Variants in NLRP14 observed in about 807,000 individuals in gnomAD.
NLRP14 encodes the protein NLR family pyrin domain containing 14.
NLRP14 carries 105 observed loss-of-function variants against 94.7 expected under a neutral mutation model. That is an observed-to-expected ratio of 1.11 (90% CI 0.95 to 1.30). The LOEUF (loss-of-function observed/expected upper bound fraction) is 1.30, where lower values mean the gene tolerates loss of function less well. NLRP14 is among the 50% of genes most tolerant of loss of function. NLRP14 has a pLI of 0.00. For synonymous variants in NLRP14, 508 were observed against 459.9 expected (o/e 1.10, Z -1.34); for missense variants, 1,362 against 1,254.1 (o/e 1.09, Z -1.30).
intron 9 of NLRP14, among the ~76,000 whole-genome samples, chr11:7,061,055 G>T (rs1242833350): frequency 1.3e-5 from 2 of 151,944 alleles, no homozygotes; most frequent in Admixed American, 6.6e-5. Context: ...AGTCATTAAT[G>T]GTCTAACCCC....
intron 3 of NLRP14, among the ~76,000 whole-genome samples, chr11:7,042,023 CTTTTT>C (rs1229427910): frequency 1.4e-5 from 2 of 138,182 alleles, no homozygotes; most frequent in African/African-American, 5.3e-5. Context: ...TGCCTCTGTT[CTTTTT>C]TTTTTTAATC....
chr11:7,089,680 G>A, the NLRP14 span: 14 of 1,493,118 alleles, frequency 9.4e-6, no homozygotes, highest in Admixed American at 4.3e-5. Context: ...GTGCGGGGGC[G>A]AGACGGCTAC....
chr11:7,049,819 T>G lies in NLRP14; in HGVS notation c.2272T>G (p.Cys758Gly). 6.2e-7 allele frequency: 1 copy of G among 1,612,676 alleles called. No homozygotes were observed. The change falls in exon 6 of 12, where the codon TGT becomes GGT. Residue 758 changes from cysteine to glycine, a missense_variant. Transcript: ENST00000299481. ...GTGTGAGGCCTTGAAACACCCAGAG[T>G]GTAAACTACAGACTCTCAGGTAAGC... ...SLCEALKHPE[C>G]KLQTLRLESC...
chr11:7,037,553 A>G (rs1212706538), intron 1 of NLRP14, among the ~76,000 whole-genome samples: 4 of 152,184 alleles, frequency 2.6e-5, no homozygotes, highest in Non-Finnish European at 1.5e-5. Context: ...ACCAAAACAG[A>G]TTAAGAAAAC....
chr11:7,081,506 T>A, the NLRP14 span, among the ~76,000 whole-genome samples: 1 of 152,210 alleles, frequency 6.6e-6, no homozygotes, highest in Non-Finnish European at 1.5e-5. Context: ...ATGCCATCTT[T>A]TTTTTTTAAT....
chr11:7,057,639 A>G, intron 6 of NLRP14, 38 bp from the exon 7 acceptor site: 4 of 1,586,172 alleles, frequency 2.5e-6, no homozygotes, highest in Non-Finnish European at 2.6e-6. Flanking sequence ...TTATTCTCTA[A>G]GGAGTGGTCA....
chr11:7,043,905 T>A lies in NLRP14; in HGVS notation c.1879T>A (p.Cys627Ser). 1 of 1,614,134 alleles carries A rather than the reference T, an allele frequency of 6.2e-7. No individual in the cohort carries two copies. Among genetic ancestry groups the A allele is most frequent in the Non-Finnish European group, 8.5e-7 (1 of 1,179,958 alleles). ...TTCTTTCTGCCTTAAGCACTGCCGG[T>A]GTTTGCGGACCATCAGGCTGTCTGT... ...VSSFCLKHCR[C>S]LRTIRLSVTV... Residue 627 changes from cysteine to serine, a missense_variant, in exon 4 of 12, where the codon TGT (cysteine) becomes AGT (serine). Coordinates refer to ENST00000299481, the MANE Select transcript of NLRP14 (RefSeq NM_176822.4).
rs370725482 is a variant in NLRP14 at position 7,049,772 on chromosome 11, G to C, written c.2225G>C (p.Gly742Ala). The C allele has an allele frequency of 6.2e-7, 1 of 1,610,430 alleles. No homozygotes were observed. The stretch of plus-strand genomic sequence containing the variant: ...CTTGACCTAAAAGGGAGTGATATAG[G>C]GGATAATGGAGTAAAGTCATTGTGT... The part of the protein sequence containing the change: ...MHLDLKGSDI[G>A]DNGVKSLCEA... Residue 742 changes from glycine (G) to alanine (A), a missense_variant, in exon 6 of 12, where the codon GGG becomes GCG. Gly to Ala is a moderately conservative substitution (Grantham distance 60). Transcript: ENST00000299481.
At chr11:7,047,829 G>A (rs1489762927) in intron 5 of NLRP14, among the ~76,000 whole-genome samples, 32 of 136,958 alleles carry the variant, frequency 2.3e-4, no homozygotes, top group Middle Eastern at 8.8e-3. Context: ...GCACAATCTC[G>A]GCTCACTGCA....
chr11:7,085,261 C>T, the NLRP14 span, among the ~76,000 whole-genome samples: 7 of 152,210 alleles, frequency 4.6e-5, no homozygotes, highest in Non-Finnish European at 1.0e-4. Flanking sequence ...AAAATACATA[C>T]AACATTGTGT....
chr11:7,058,892 T>G (rs1453192413), intron 8 of NLRP14, among the ~76,000 whole-genome samples: 3 of 151,952 alleles, frequency 2.0e-5, no homozygotes, highest in African/African-American at 7.2e-5. Flanking sequence ...TGTTAGATAA[T>G]TTTCTAAACA....
rs570127561 is a variant in NLRP14, at chr11:7,060,609, A to G, written c.2804+545A>G. Reference sequence around the variant, plus strand: ...CTCTACTAGTTTTTCTTTTAGATTTATATTTAAACTCAGGTTATAATTAAG... The same window carrying G: ...CTCTACTAGTTTTTCTTTTAGATTTGTATTTAAACTCAGGTTATAATTAAG... On this transcript the variant is annotated intron_variant, in intron 9 of 11. Coordinates refer to ENST00000299481, the MANE Select transcript of NLRP14 (RefSeq NM_176822.4). Among the ~76,000 whole-genome samples, 21 of 152,156 alleles carry G rather than the reference A, an allele frequency of 1.4e-4. No homozygotes were observed. The East Asian group carries it at 3.3e-3, about 24-fold the overall frequency.
intron 10 of NLRP14, among the ~76,000 whole-genome samples, chr11:7,066,424 C>T (rs2119708026): frequency 6.6e-6 from 1 of 152,190 alleles, no homozygotes; most frequent in East Asian, 1.9e-4. Context: ...GATGGTATCT[C>T]ACTGTGGTTT....
At chr11:7,064,940 T>C (rs1054417613) in intron 10 of NLRP14, among the ~76,000 whole-genome samples, 2 of 152,018 alleles carry the variant, frequency 1.3e-5, no homozygotes, top group African/African-American at 4.8e-5. Flanking sequence ...TGTTTTCCTT[T>C]CCACTGACCT....
In NLRP14 at chr11:7,042,731, G is replaced by A; in HGVS notation, c.705G>A (p.Lys235=). Residue 235 remains lysine, a synonymous_variant, in exon 4 of 12, where the codon AAG becomes AAA. Coordinates refer to ENST00000299481, the MANE Select transcript of NLRP14 (RefSeq NM_176822.4). ...KERSFAQLIS[K]DWPSTEGPIE... ...GAAGCTTTGCTCAATTGATATCAAA[G>A]GACTGGCCCAGCACAGAAGGCCCCA... 6.2e-7 allele frequency: 1 copy of A among 1,614,194 alleles called. No individual in the cohort carries two copies. Among genetic ancestry groups the A allele is most frequent in the Non-Finnish European group, 8.5e-7 (1 of 1,180,028 alleles).
At chr11:7,031,013 G>A (rs76251971) in intron 1 of NLRP14, among the ~76,000 whole-genome samples, 2 of 152,182 alleles carry the variant, frequency 1.3e-5, no homozygotes, top group African/African-American at 4.8e-5. Context: ...AGATTCGCTA[G>A]GTCAGGCGGT....
rs189929679 is a variant in NLRP14, at chr11:7,044,333, T to A, written c.1958+349T>A. Among the ~76,000 whole-genome samples the A allele has an allele frequency of 2.1e-4, 32 of 152,320 alleles. 1 individual carries two copies. Among genetic ancestry groups the A allele is most frequent in the Middle Eastern group, 3.4e-3 (1 of 294 alleles). ...GCATGGCACAAACTTGCATCCATGA[T>A]AATAAGTATATTTGATTTCTAAAGA... On this transcript the variant is annotated intron_variant, in intron 4 of 11. Transcript: ENST00000299481.
chr11:7,034,084 C>G (rs1387453184), intron 1 of NLRP14, among the ~76,000 whole-genome samples: 2 of 152,222 alleles, frequency 1.3e-5, no homozygotes, highest in Admixed American at 6.5e-5. Flanking sequence ...TAAGCACAGT[C>G]AGCGCTCTGG....
intron 1 of NLRP14, among the ~76,000 whole-genome samples, chr11:7,029,612 T>G (rs1480457110): frequency 2.6e-5 from 4 of 152,252 alleles, no homozygotes; most frequent in Non-Finnish European, 5.9e-5. Context: ...TACGGATATC[T>G]TTCATGGGAC....
Sources: allele counts gnomAD v4.1 joint callset (sites outside exome capture counted in the v4.1 genomes callset), GRCh38; gene constraint gnomAD v4.1.1; transcripts MANE v1.5; gene names NCBI Gene and HGNC (gene_info 2026-07-23, HGNC 2026-07-21).